ARAP3: variants seen among roughly 807,000 people sequenced by gnomAD.
ARAP3 encodes the protein arf-GAP with Rho-GAP domain, ANK repeat and PH domain-containing protein 3.
Under a neutral mutation model 169.2 loss-of-function variants are expected in ARAP3, and 82 were observed. The observed-to-expected ratio is 0.48, with a 90% confidence interval of 0.41 to 0.58. The LOEUF (loss-of-function observed/expected upper bound fraction) is 0.58. ARAP3 is among the 20% of genes least tolerant of loss of function. ARAP3 has a pLI of 0.00. For synonymous variants in ARAP3, 791 were observed against 800.3 expected, an observed-to-expected ratio of 0.99 and a Z score of 0.20; for missense variants, 1,764 against 2,018.0, an observed-to-expected ratio of 0.87 and a Z score of 2.41.
Position 141,672,994 on chromosome 5 carries a change from A to T in ARAP3, c.1093+19T>A. Reference sequence around the variant, plus strand: ...GCCTCCCTCCCTCCTGCCCTGACTCAGGGGGCTGTGGCCCTCACCCTCGCT... The same window carrying T: ...GCCTCCCTCCCTCCTGCCCTGACTCTGGGGGCTGTGGCCCTCACCCTCGCT... On this transcript the variant is annotated intron_variant, in intron 7 of 32. Coordinates refer to ENST00000239440, the MANE Select transcript of ARAP3 (RefSeq NM_022481.6). This position sits in a 1 kb window ranked among gnomAD's most constrained non-coding sequence, Gnocchi z 4.9. 6.2e-7 allele frequency: 1 copy of T among 1,614,096 alleles called. No homozygotes were observed.
intron 4 of ARAP3, among the ~76,000 whole-genome samples, chr5:141,675,527 T>C (rs750130969): frequency 7.2e-5 from 11 of 152,026 alleles, no homozygotes; most frequent in Admixed American, 2.0e-4. Context: ...AAGACCAGCC[T>C]GGGCAATATG....
chr5:141,659,981 T>G, intron 21 of ARAP3, 55 bp from the exon 22 acceptor site: 5 of 1,514,854 alleles, frequency 3.3e-6, no homozygotes, highest in Non-Finnish European at 3.6e-6. Flanking sequence ...AGCAAACACT[T>G]ATTGAGTCCC....
rs1010296773 is a variant in ARAP3 at position 141,679,566 on chromosome 5, C to A, written c.677G>T (p.Cys226Phe). ...APDRRESRGV[C>F]QGRAEHRLSR... Reference sequence around the variant, plus strand: ...TCACCTGTGTTCAGCCCTGCCCTGACAAACACCTCTGCTCTCTCTTCTGTC... The same window carrying A: ...TCACCTGTGTTCAGCCCTGCCCTGAAAAACACCTCTGCTCTCTCTTCTGTC... Residue 226 changes from cysteine to phenylalanine, a missense_variant, in exon 4 of 33, where the codon TGT (cysteine) becomes TTT (phenylalanine). Physicochemically the swap from Cys to Phe is radical, Grantham distance 205. Transcript: ENST00000239440. The A allele has an allele frequency of 6.8e-6, 11 of 1,614,086 alleles. No homozygotes were observed. The highest frequency in any genetic ancestry group is 1.3e-5 in the African/African-American group (1 of 74,930).
chr5:141,653,734 T>A lies in ARAP3; in HGVS notation c.*216A>T. On this transcript the variant is annotated 3_prime_UTR_variant, in exon 33 of 33. Coordinates refer to ENST00000239440, the MANE Select transcript of ARAP3 (RefSeq NM_022481.6). ...ACATTCACTGCTCTCCTTACTTCAG[T>A]TACCTCATGGTATAGATAAATGGGC... 2.1e-6 allele frequency: 1 copy of A among 474,742 alleles called. No individual in the cohort carries two copies. Among genetic ancestry groups the A allele is most frequent in the Non-Finnish European group, 3.5e-6 (1 of 282,758 alleles). 29.4% of individuals were successfully genotyped at this position (474,742 alleles called of 1,614,324 possible). A position where few individuals can be genotyped will look rare whatever the true frequency, so the allele number is the denominator to read the frequency against.
Position 141,669,829 on chromosome 5 carries a change from T to C in ARAP3, c.2250-18A>G, listed in dbSNP as rs199922413. The C allele has an allele frequency of 9.7e-5, 156 of 1,612,448 alleles. No homozygotes were observed. The highest frequency in any genetic ancestry group is 1.3e-4 in the Non-Finnish European group (151 of 1,178,930). On this transcript the variant is annotated intron_variant, in intron 15 of 32. Transcript: ENST00000239440. Reference sequence around the variant, plus strand: ...AGGGGAACCTGGAGAGAAGATGAGGTCAGGGAGGAGGATGGGACCAATGAG... The same window carrying C: ...AGGGGAACCTGGAGAGAAGATGAGGCCAGGGAGGAGGATGGGACCAATGAG...
chr5:141,654,327 C>T lies in ARAP3; in HGVS notation c.4258G>A (p.Asp1420Asn), dbSNP rs1052193652. Residue 1420 changes from aspartate (D) to asparagine (N), a missense_variant, in exon 33 of 33, where the codon GAC becomes AAC. By Grantham distance (23) the Asp-to-Asn change is conservative. Around this residue, in one of 3 missense-constraint regions of ARAP3, gnomAD observed 1,112 missense variants for 1,285.7 expected, o/e 0.86. Coordinates refer to ENST00000239440, the MANE Select transcript of ARAP3 (RefSeq NM_022481.6). ...EVGAFPELIQ[D>N]TSTSFSTTRE... is the part of the protein sequence containing the mutation. ...GTGGTGGAGAAGGAGGTAGAAGTGT[C>T]CTGGATCAACTCAGGGAAGGCCCCT... 6.2e-7 allele frequency: 1 copy of T among 1,613,978 alleles called. No homozygotes were observed. The highest frequency in any genetic ancestry group is 1.3e-5 in the African/African-American group (1 of 74,872).
At chr5:141,680,619 C>T in intron 1 of ARAP3, 116 bp from the exon 2 acceptor site, 1 of 1,400,018 alleles carries the variant, frequency 7.1e-7, no homozygotes, top group Non-Finnish European at 9.4e-7. Context: ...AAGAAAGATG[C>T]TGAAAGGCCT....
rs1465052653 is a variant in ARAP3, at chr5:141,665,383, A to C, written c.2573-9T>G. On this transcript the variant is annotated splice_polypyrimidine_tract_variant and intron_variant, in intron 17 of 32. Transcript: ENST00000239440. The stretch of plus-strand genomic sequence containing the variant: ...AGCTGCAGAAACCACACCTGGGAGG[A>C]GAATCAGTGGACATTTTCATGATTA... 6.2e-7 allele frequency: 1 copy of C among 1,613,980 alleles called. No homozygotes were observed. The highest frequency in any genetic ancestry group is 1.7e-5 in the Admixed American group (1 of 60,020).
chr5:141,664,217 G>A (rs949974843), intron 19 of ARAP3, among the ~76,000 whole-genome samples: 6 of 152,080 alleles, frequency 3.9e-5, no homozygotes, highest in East Asian at 1.9e-4. Flanking sequence ...AAACTCACCT[G>A]TACTAAAAAT....
At position 141,679,784 on chromosome 5, in the gene ARAP3, G is replaced by A. The variant is rs1176889341; in HGVS notation, c.563C>T (p.Ala188Val). Reference protein sequence around the residue: ...DSSQISAPTPALRPTTGTVHI... With the variant: ...DSSQISAPTPVLRPTTGTVHI... ...ACCTGTGCCTGTTGTGGGCCTGAGG[G>A]CAGGGGTGGGGGCAGAGATTTGGGA... Residue 188 changes from alanine to valine, a missense_variant, in exon 3 of 33, where the codon GCC becomes GTC. Coordinates refer to ENST00000239440, the MANE Select transcript of ARAP3 (RefSeq NM_022481.6). The A allele has an allele frequency of 6.2e-7, 1 of 1,613,968 alleles. No homozygotes were observed. Among genetic ancestry groups the A allele is most frequent in the Admixed American group, 1.7e-5 (1 of 59,974 alleles).
intron 16 of ARAP3, among the ~76,000 whole-genome samples, chr5:141,667,474 CCCA>C (rs2099910811): frequency 1.4e-5 from 2 of 147,604 alleles, no homozygotes; most frequent in African/African-American, 5.0e-5. Flanking sequence ...GCTCTTCTCT[CCCA>C]GGGTGGAGTA....
At position 141,661,711 on chromosome 5, in the gene ARAP3, A is replaced by G; in HGVS notation, c.3092T>C (p.Leu1031Pro). 1 of 1,614,260 alleles carries G rather than the reference A, an allele frequency of 6.2e-7. No individual in the cohort carries two copies. Among genetic ancestry groups the G allele is most frequent in the Non-Finnish European group, 8.5e-7 (1 of 1,180,048 alleles). ...GCLPRVNRRT[L>P]ATLIGHLYRV... is the part of the protein sequence containing the mutation. ...ATAGAGATGCCCAATGAGGGTGGCC[A>G]GTGTGCGGCGGTTGACCCGCGGCAG... The change falls in exon 21 of 33, where the codon CTG becomes CCG. Residue 1031 changes from leucine to proline, a missense_variant. Transcript: ENST00000239440.
chr5:141,673,019 T>C lies in ARAP3; in HGVS notation c.1087A>G (p.Ser363Gly), dbSNP rs2099911654. ...GQRVFVFRTE[S>G]EAQRDMWCST... is the part of the protein sequence containing the mutation. ...AGGGGGCTGTGGCCCTCACCCTCGC[T>C]CTCTGTGCGGAACACGAACACCCTC... The change falls in exon 7 of 33, where the codon AGC (serine) becomes GGC (glycine). Residue 363 changes from serine to glycine, a missense_variant. Ser to Gly is a moderately conservative substitution (Grantham distance 56, BLOSUM62 0). Coordinates refer to ENST00000239440, the MANE Select transcript of ARAP3 (RefSeq NM_022481.6). 6.2e-7 allele frequency: 1 copy of C among 1,614,112 alleles called. No individual in the cohort carries two copies. Among genetic ancestry groups the C allele is most frequent in the Non-Finnish European group, 8.5e-7 (1 of 1,180,000 alleles).
chr5:141,665,144 C>A, intron 18 of ARAP3, 59 bp from the exon 19 acceptor site: 1 of 1,571,756 alleles, frequency 6.4e-7, no homozygotes, highest in South Asian at 1.2e-5. Context: ...GCATGGGGAC[C>A]AGACTTCCCA....
Position 141,654,120 on chromosome 5 carries a change from G to A in ARAP3, c.4465C>T (p.Leu1489Phe), listed in dbSNP as rs144389902. The part of the protein sequence containing the change: ...GSLEEQLLQE[L>F]SSLILRKGET... ...CCTTTCCTCAGGATGAGGCTGCTGA[G>A]CTCCTGGAGCAGCTGTTCCTCTAGG... is the stretch of plus-strand genomic sequence containing the variant. Residue 1489 changes from leucine to phenylalanine, a missense_variant, in exon 33 of 33, where the codon CTC (leucine) becomes TTC (phenylalanine). Transcript: ENST00000239440. The A allele has an allele frequency of 6.2e-7, 1 of 1,612,488 alleles. No individual in the cohort carries two copies. The highest frequency in any genetic ancestry group is 1.1e-5 in the South Asian group (1 of 90,992).
At chr5:141,668,300 C>T (rs2099910947) in intron 16 of ARAP3, among the ~76,000 whole-genome samples, 1 of 151,998 alleles carries the variant, frequency 6.6e-6, no homozygotes, top group African/African-American at 2.4e-5. Flanking sequence ...AGACAGGGTC[C>T]CAGGTTGCTC....
chr5:141,666,790 A>G (rs1246132331), intron 16 of ARAP3, 147 bp from the exon 17 acceptor site: 7 of 441,346 alleles, frequency 1.6e-5, no homozygotes, highest in Non-Finnish European at 2.8e-5. Flanking sequence ...AAGGGATGCG[A>G]GAGAGCAGAG....
Position 141,656,274 on chromosome 5 carries a change from G to A in ARAP3, c.3792C>T (p.Ser1264=). The part of the protein sequence containing the change: ...RCLLLLKEKK[S]SKPEREWPLE... ...AAGGCCACTCCCGTTCTGGTTTAGA[G>A]CTCTGAGAACAGAAACAGAGTCAGC... Residue 1264 remains serine (S), a splice_region_variant and synonymous_variant, in exon 28 of 33, where the codon AGC becomes AGT. Coordinates refer to ENST00000239440, the MANE Select transcript of ARAP3 (RefSeq NM_022481.6). 1 of 1,614,176 alleles carries A rather than the reference G, an allele frequency of 6.2e-7. No individual in the cohort carries two copies. The highest frequency in any genetic ancestry group is 8.5e-7 in the Non-Finnish European group (1 of 1,180,028).
chr5:141,679,573 C>G lies in ARAP3; in HGVS notation c.670G>C (p.Gly224Arg), dbSNP rs1454305659. The change falls in exon 4 of 33, where the codon GGT (glycine) becomes CGT (arginine). Residue 224 changes from glycine to arginine, a missense_variant. This residue lies in a region of ARAP3 where 630 missense variants were observed against 678.7 expected (regional missense o/e 0.93). Coordinates refer to ENST00000239440, the MANE Select transcript of ARAP3 (RefSeq NM_022481.6). ...PGAPDRRESR[G>R]VCQGRAEHRL... ...TGTTCAGCCCTGCCCTGACAAACAC[C>G]TCTGCTCTCTCTTCTGTCGGGGGCT... The G allele has an allele frequency of 6.2e-7, 1 of 1,614,194 alleles. No homozygotes were observed.
Sources: gnomAD v4.1 joint callset for allele counts (sites outside exome capture counted in the v4.1 genomes callset) on GRCh38, gnomAD v4.1.1 for gene constraint, gnomAD v4.1.1 regional missense constraint, Gnocchi (gnomAD v3.1) non-coding constraint, MANE v1.5 for transcripts, NCBI Gene and HGNC (gene_info 2026-07-23, HGNC 2026-07-21) for gene names.